Variants in SLC15A2 observed in about 807,000 individuals in gnomAD.
SLC15A2 encodes kidney H(+)/peptide cotransporter.
Under a neutral mutation model 95.5 loss-of-function variants are expected in SLC15A2, and 77 were observed. That is an observed-to-expected ratio of 0.81 (90% CI 0.67 to 0.97). The LOEUF is 0.97. SLC15A2 is among the 50% of genes least tolerant of loss of function. SLC15A2 has a pLI of 0.00. For synonymous variants in SLC15A2, 306 were observed against 306.9 expected, an observed-to-expected ratio of 1.00 and a Z score of 0.03; for missense variants, 893 against 874.4, an observed-to-expected ratio of 1.02 and a Z score of -0.27.
At chr3:121,913,787 G>A (rs575031740) in intron 5 of SLC15A2, among the ~76,000 whole-genome samples, 4 of 152,264 alleles carry the variant, frequency 2.6e-5, no homozygotes, top group Admixed American at 1.3e-4. Context: ...CAAGGAAATA[G>A]TCTATTTCTA....
chr3:121,932,164 A>G (rs1178872098), intron 19 of SLC15A2, among the ~76,000 whole-genome samples: 2 of 152,172 alleles, frequency 1.3e-5, no homozygotes, highest in Admixed American at 6.5e-5. Context: ...TCAGCCTCCC[A>G]AAGTGTTGAG....
chr3:121,915,129 C>A, intron 5 of SLC15A2, 98 bp from the exon 6 acceptor site: 10 of 1,132,358 alleles, frequency 8.8e-6, no homozygotes, highest in Non-Finnish European at 1.3e-5. Context: ...ATATCTGAAT[C>A]TTTCTCTTTG....
intron 3 of SLC15A2, among the ~76,000 whole-genome samples, chr3:121,903,320 A>T (rs1208951330): frequency 6.6e-6 from 1 of 152,180 alleles, no homozygotes; most frequent in African/African-American, 2.4e-5. Flanking sequence ...CTCTGATGGT[A>T]GTTGCTTTTG....
rs536389411 is a variant in SLC15A2, at chr3:121,917,775, T to C, written c.697+2082T>C. ...TTGCCTAAAGGAATGACATTTAAGGTGAGACCTAAGGGCCAAACAGCAATT... is the reference window on the plus strand; with the variant it reads ...TTGCCTAAAGGAATGACATTTAAGGCGAGACCTAAGGGCCAAACAGCAATT... On this transcript the variant is annotated intron_variant, in intron 7 of 21. Coordinates refer to ENST00000489711, the MANE Select transcript of SLC15A2 (RefSeq NM_021082.4). Among the ~76,000 whole-genome samples, 4 of 152,194 alleles carry C rather than the reference T, an allele frequency of 2.6e-5. No individual in the cohort carries two copies. In the South Asian group the frequency reaches 8.3e-4, roughly 32 times the overall value.
At chr3:121,920,604 A>G (rs1709986621) in intron 7 of SLC15A2, among the ~76,000 whole-genome samples, 1 of 152,088 alleles carries the variant, frequency 6.6e-6, no homozygotes, top group South Asian at 2.1e-4. Flanking sequence ...CCGTCTAGGT[A>G]CTTTTTTATC....
At chr3:121,937,411 G>T (rs1342887233) in intron 19 of SLC15A2, among the ~76,000 whole-genome samples, 9 of 122,632 alleles carry the variant, frequency 7.3e-5, no homozygotes, top group Non-Finnish European at 1.3e-4. Flanking sequence ...CCAATCAGAC[G>T]TAGATTTGGT....
intron 11 of SLC15A2, 49 bp downstream of exon 11, chr3:121,923,315 C>T (rs1378911394): frequency 6.5e-7 from 1 of 1,549,358 alleles, no homozygotes; most frequent in Non-Finnish European, 8.8e-7. Context: ...CTTCATCATC[C>T]ATATTGGGGA....
Position 121,897,377 on chromosome 3 carries a change from T to TC in SLC15A2, c.194-8dup. ...TTGTCTCCCCACGCCTCCTTTTTTT[T>TC]CCCACTACAGCTGTGCTGATCCTGT... On this transcript the variant is annotated splice_polypyrimidine_tract_variant and intron_variant, in intron 2 of 21. Transcript: ENST00000489711. 1.2e-6 allele frequency: 2 copies of TC among 1,611,914 alleles called. No homozygotes were observed. Among genetic ancestry groups the TC allele is most frequent in the Non-Finnish European group, 1.7e-6 (2 of 1,179,336 alleles).
chr3:121,919,173 A>G (rs1709955986), intron 7 of SLC15A2, among the ~76,000 whole-genome samples: 1 of 152,226 alleles, frequency 6.6e-6, no homozygotes, highest in Admixed American at 6.5e-5. Context: ...TTCAACGAGC[A>G]GGAGCATGTT....
intron 3 of SLC15A2, among the ~76,000 whole-genome samples, chr3:121,905,746 C>T (rs1376914880): frequency 6.6e-6 from 1 of 152,120 alleles, no homozygotes; most frequent in Non-Finnish European, 1.5e-5. Flanking sequence ...TTTATATTTG[C>T]TGAGGAGTGC....
At position 121,940,884 on chromosome 3, in the gene SLC15A2, C is replaced by T. The variant is rs1161041131; in HGVS notation, c.2067C>T (p.Phe689=). 6.2e-7 allele frequency: 1 copy of T among 1,614,076 alleles called. No homozygotes were observed. Among genetic ancestry groups the T allele is most frequent in the Non-Finnish European group, 8.5e-7 (1 of 1,180,006 alleles). The part of the protein sequence containing the change: ...SCLLLVICLI[F]SIMGYYYVPV... ...TCCTGCTGGTGATCTGCCTGATCTT[C>T]TCCATCATGGGCTACTACTATGTTC... The change falls in exon 22 of 22, where the codon TTC becomes TTT. Residue 689 remains phenylalanine (F), a synonymous_variant. Transcript: ENST00000489711.
intron 19 of SLC15A2, among the ~76,000 whole-genome samples, chr3:121,937,931 A>T (rs146739130): frequency 2.0e-5 from 3 of 150,818 alleles, no homozygotes; most frequent in Non-Finnish European, 3.0e-5. Context: ...GGTGATGTAC[A>T]GATGGGTTTT....
chr3:121,928,854 G>T, intron 15 of SLC15A2, 128 bp from the exon 16 acceptor site: 1 of 1,014,368 alleles, frequency 9.9e-7, no homozygotes. Context: ...AAAATGGCTA[G>T]GTTAAAGAAA....
intron 17 of SLC15A2, 65 bp from the exon 18 acceptor site, chr3:121,930,775 G>A: frequency 9.9e-7 from 1 of 1,009,688 alleles, no homozygotes; most frequent in Admixed American, 1.9e-5. Context: ...AACATAAAAG[G>A]CCCCTAACCT....
chr3:121,922,993 T>C (rs775834784), intron 9 of SLC15A2, 47 bp from the exon 10 acceptor site: 165 of 1,592,012 alleles, frequency 1.0e-4, no homozygotes, highest in Non-Finnish European at 1.2e-4. Context: ...AAGAAAGCCA[T>C]GTACAGAACT....
Position 121,896,451 on chromosome 3 carries a change from G to C in SLC15A2, c.151G>C (p.Val51Leu), listed in dbSNP as rs1415574418. The C allele has an allele frequency of 6.2e-7, 1 of 1,614,004 alleles. No individual in the cohort carries two copies. The highest frequency in any genetic ancestry group is 8.5e-7 in the Non-Finnish European group (1 of 1,180,002). The change falls in exon 2 of 22, where the codon GTG becomes CTG. Residue 51 changes from valine (V) to leucine (L), a missense_variant. By Grantham distance (32) the Val-to-Leu change is conservative (BLOSUM62 1). Transcript: ENST00000489711. ...NYPLSIAFIV[V>L]NEFCERFSYY... is the part of the protein sequence containing the mutation. The stretch of plus-strand genomic sequence containing the variant: ...TCCACTGAGCATTGCCTTCATTGTG[G>C]TGAATGAATTCTGCGAGCGCTTTTC...
intron 19 of SLC15A2, among the ~76,000 whole-genome samples, chr3:121,936,464 A>G (rs1710349128): frequency 6.6e-6 from 1 of 152,006 alleles, no homozygotes; most frequent in South Asian, 2.1e-4. Context: ...TTGGGTGCAT[A>G]TATATTTAGG....
At position 121,911,669 on chromosome 3, in the gene SLC15A2, G is replaced by A. The variant is rs1174264614; in HGVS notation, c.428+3G>A. 6.3e-7 allele frequency: 1 copy of A among 1,588,402 alleles called. No homozygotes were observed. The highest frequency in any genetic ancestry group is 1.1e-5 in the South Asian group (1 of 90,440). On this transcript the variant is annotated splice_donor_region_variant and intron_variant, in intron 4 of 21. Coordinates refer to ENST00000489711, the MANE Select transcript of SLC15A2 (RefSeq NM_021082.4). ...CTGGGAGGACAAGTGGTACACACGT[G>A]AGTAAAATCATGGAATCAACTAAAC...
chr3:121,925,122 A>C, intron 13 of SLC15A2, 89 bp downstream of exon 13: 2 of 927,386 alleles, frequency 2.2e-6, no homozygotes, highest in South Asian at 2.7e-5. Context: ...TATTTTTCTT[A>C]GTGAGGATTG....
Sources: allele counts gnomAD v4.1 joint callset (sites outside exome capture counted in the v4.1 genomes callset), GRCh38; gene constraint gnomAD v4.1.1; transcripts MANE v1.5; gene names NCBI Gene and HGNC (gene_info 2026-07-23, HGNC 2026-07-21).